DOCK8: variants seen among roughly 807,000 people sequenced by gnomAD.
DOCK8 encodes the protein dedicator of cytokinesis 8, also known as dedicator of cytokinesis protein 8.
In DOCK8, 141 loss-of-function variants were observed where a neutral mutation model predicts 245.6. The observed-to-expected ratio is 0.57, with a 90% CI of 0.50 to 0.66. The LOEUF (loss-of-function observed/expected upper bound fraction) is 0.66, where lower values mean the gene tolerates loss of function less well. Ranked by LOEUF, DOCK8 falls within the 30% of genes least tolerant of loss-of-function variation. DOCK8 has a pLI of 0.00. For missense variants in DOCK8, 2,965 were observed against 2,603.4 expected (o/e 1.14, Z -3.02); for synonymous variants, 1,168 against 970.2 (o/e 1.20, Z -3.79).
intron 1 of DOCK8, among the ~76,000 whole-genome samples, chr9:220,488 G>C (rs1463470352): frequency 6.6e-6 from 1 of 152,196 alleles, no homozygotes; most frequent in East Asian, 1.9e-4. Context: ...TAAAGGTAGT[G>C]ATGGAATGGG....
At chr9:431,321 A>T (rs1039229792) in intron 36 of DOCK8, among the ~76,000 whole-genome samples, 2 of 152,186 alleles carry the variant, frequency 1.3e-5, no homozygotes, top group Non-Finnish European at 2.9e-5. Flanking sequence ...CAAGTGATAT[A>T]TAAAGATAAA....
intron 2 of DOCK8, among the ~76,000 whole-genome samples, chr9:282,908 T>C (rs2048652626): frequency 6.6e-6 from 1 of 152,210 alleles, no homozygotes; most frequent in African/African-American, 2.4e-5. Flanking sequence ...GTAATTGATA[T>C]TCTTCACAAT....
intron 2 of DOCK8, among the ~76,000 whole-genome samples, chr9:279,260 T>C (rs989248112): frequency 1.3e-5 from 2 of 152,186 alleles, no homozygotes; most frequent in African/African-American, 4.8e-5. Flanking sequence ...TTTGAACTCA[T>C]TGTGTTTGAG....
At chr9:349,465 G>T (rs1198560650) in intron 14 of DOCK8, among the ~76,000 whole-genome samples, 1 of 152,202 alleles carries the variant, frequency 6.6e-6, no homozygotes, top group African/African-American at 2.4e-5. Context: ...TCATTTTAAT[G>T]ATTTCTAAGG....
intron 14 of DOCK8, among the ~76,000 whole-genome samples, chr9:363,917 C>G (rs533586565): frequency 1.6e-4 from 24 of 152,254 alleles, no homozygotes; most frequent in African/African-American, 5.3e-4. Context: ...GGCAGGGCTA[C>G]TACTGTTATG....
intron 5 of DOCK8, among the ~76,000 whole-genome samples, chr9:306,690 G>T (rs2049846586): frequency 6.6e-6 from 1 of 152,166 alleles, no homozygotes; most frequent in Non-Finnish European, 1.5e-5. Flanking sequence ...GGCCCTGTCT[G>T]CTGGAATTTC....
chr9:429,922 G>A (rs1008148988), intron 36 of DOCK8, 68 bp downstream of exon 36: 14 of 1,573,558 alleles, frequency 8.9e-6, no homozygotes, highest in Admixed American at 3.7e-5. Context: ...CATCAGCTGC[G>A]AAAAAAAATA....
intron 1 of DOCK8, among the ~76,000 whole-genome samples, chr9:236,686 C>T (rs1314008430): frequency 6.6e-6 from 1 of 152,186 alleles, no homozygotes; most frequent in Non-Finnish European, 1.5e-5. Flanking sequence ...CAAACAATCT[C>T]AAAATCTCAG....
At chr9:345,333 G>C (rs7028459) in intron 14 of DOCK8, among the ~76,000 whole-genome samples, 1 of 151,852 alleles carries the variant, frequency 6.6e-6, no homozygotes, top group African/African-American at 2.4e-5. Flanking sequence ...AAGTTGATCT[G>C]CCTGGAGCTT....
chr9:391,796 CT>C (rs1161844085), intron 24 of DOCK8, among the ~76,000 whole-genome samples: 3 of 131,240 alleles, frequency 2.3e-5, no homozygotes, highest in African/African-American at 8.4e-5. Context: ...TCATTGGGTT[CT>C]TTCCCCTGTC....
chr9:373,382 C>G (rs928330050), intron 18 of DOCK8, among the ~76,000 whole-genome samples: 2 of 152,168 alleles, frequency 1.3e-5, no homozygotes, highest in African/African-American at 4.8e-5. Context: ...CATTGTCATA[C>G]TTTAAAATTT....
intron 36 of DOCK8, among the ~76,000 whole-genome samples, chr9:430,436 C>A (rs1455039605): frequency 6.6e-6 from 1 of 151,922 alleles, no homozygotes; most frequent in African/African-American, 2.4e-5. Context: ...AATCCTAGCA[C>A]TTCGGGAGGC....
intron 9 of DOCK8, among the ~76,000 whole-genome samples, chr9:331,821 T>TC (rs1282597241): frequency 6.6e-6 from 1 of 152,234 alleles, no homozygotes; most frequent in Non-Finnish European, 1.5e-5. Context: ...TGAGTTTCTT[T>TC]CCAAGTCTGT....
At chr9:268,295 GTGCTA>G (rs2048080020) in intron 1 of DOCK8, 1 of 152,204 alleles carries the variant, frequency 6.6e-6, no homozygotes, top group Admixed American at 6.5e-5. Flanking sequence ...GAAAATAGGA[GTGCTA>G]TTAGGTATTG....
upstream of DOCK8, chr9:214,259 C>G: frequency 2.0e-6 from 1 of 492,456 alleles, no homozygotes; most frequent in Non-Finnish European, 3.6e-6. Flanking sequence ...CCTTGAATCG[C>G]AAGAACGCCG....
intron 7 of DOCK8, among the ~76,000 whole-genome samples, chr9:325,023 G>A (rs149675640): frequency 1.1e-4 from 16 of 152,090 alleles, no homozygotes; most frequent in East Asian, 3.9e-4. Context: ...CACTCTGTTT[G>A]CCTTTGTGTA....
At chr9:408,785 A>G (rs966870414) in intron 28 of DOCK8, among the ~76,000 whole-genome samples, 1 of 152,204 alleles carries the variant, frequency 6.6e-6, no homozygotes, top group South Asian at 2.1e-4. Flanking sequence ...TGTTGCTGTT[A>G]TATTACTAGC....
intron 7 of DOCK8, among the ~76,000 whole-genome samples, chr9:318,296 T>C (rs2050435610): frequency 6.6e-6 from 1 of 152,220 alleles, no homozygotes; most frequent in African/African-American, 2.4e-5. Context: ...AGATGGGTCA[T>C]CCATCTCTCA....
chr9:286,656 G>A lies in DOCK8; in HGVS notation c.332+20G>A, dbSNP rs760324851. On this transcript the variant is annotated intron_variant, in intron 3 of 47. Coordinates refer to ENST00000432829, the MANE Select transcript of DOCK8 (RefSeq NM_203447.4). Reference sequence around the variant, plus strand: ...GGAAGGGTAAATAGTTTTCTAAAATGTAGATGTGATTGGGATTGTCATGAT... The same window carrying A: ...GGAAGGGTAAATAGTTTTCTAAAATATAGATGTGATTGGGATTGTCATGAT... The A allele has an allele frequency of 6.2e-7, 1 of 1,612,648 alleles. No individual in the cohort carries two copies. Among genetic ancestry groups the A allele is most frequent in the African/African-American group, 1.3e-5 (1 of 74,988 alleles).
Sources: gnomAD v4.1 joint callset for allele counts (sites outside exome capture counted in the v4.1 genomes callset) on GRCh38, gnomAD v4.1.1 for gene constraint, MANE v1.5 for transcripts, NCBI Gene and HGNC (gene_info 2026-07-23, HGNC 2026-07-21) for gene names.